The following SGCZ variants were observed in gnomAD, a reference collection of about 807,000 sequenced individuals.
SGCZ encodes the protein zeta-sarcoglycan.
SGCZ carries 40 observed loss-of-function variants against 41.3 expected under a neutral mutation model. The observed-to-expected ratio is 0.97, with a 90% confidence interval of 0.75 to 1.26. The LOEUF (loss-of-function observed/expected upper bound fraction) is 1.26. Ranked by LOEUF, SGCZ falls within the 50% of genes most tolerant of loss-of-function variation. The pLI, the probability that SGCZ is intolerant of heterozygous loss-of-function variation, is 0.00. For synonymous variants in SGCZ, 206 were observed against 137.5 expected, an observed-to-expected ratio of 1.50 and a Z score of -3.49; for missense variants, 552 against 369.8, an observed-to-expected ratio of 1.49 and a Z score of -4.04.
At chr8:15,168,599 C>T (rs1279805386) in intron 1 of SGCZ, among the ~76,000 whole-genome samples, 1 of 152,084 alleles carries the variant, frequency 6.6e-6, no homozygotes, top group South Asian at 2.1e-4. Flanking sequence ...CCATCACTTA[C>T]CCCCGGTATC....
intron 1 of SGCZ, among the ~76,000 whole-genome samples, chr8:14,981,204 G>T (rs1332028591): frequency 6.6e-6 from 1 of 152,150 alleles, no homozygotes; most frequent in Non-Finnish European, 1.5e-5. Flanking sequence ...CAGCCACTCA[G>T]TTCAAATCCC....
intron 3 of SGCZ, among the ~76,000 whole-genome samples, chr8:14,243,710 T>C (rs34953040): frequency 0.33 from 49,861 of 151,968 alleles, 8,586 homozygotes; most frequent in Non-Finnish European, 0.39. Context: ...TTCTTATCCA[T>C]GTCTCTTTAT....
intron 1 of SGCZ, among the ~76,000 whole-genome samples, chr8:14,613,026 C>G (rs952451390): frequency 6.6e-6 from 1 of 152,042 alleles, no homozygotes; most frequent in African/African-American, 2.4e-5. Context: ...GCCTCCTGGT[C>G]TGGGGAAAGA....
At chr8:14,717,531 T>C (rs1191939110) in intron 1 of SGCZ, among the ~76,000 whole-genome samples, 1 of 152,178 alleles carries the variant, frequency 6.6e-6, no homozygotes, top group Non-Finnish European at 1.5e-5. Context: ...AGGAGAGTTC[T>C]GTCCATTCTC....
chr8:14,126,936 C>G (rs1249813026), intron 5 of SGCZ, among the ~76,000 whole-genome samples: 1 of 151,870 alleles, frequency 6.6e-6, no homozygotes, highest in Non-Finnish European at 1.5e-5. Context: ...AATGAGAACA[C>G]ATGGACACAG....
chr8:14,885,984 GTTAT>G (rs1242314768), intron 1 of SGCZ, among the ~76,000 whole-genome samples: 101 of 58,384 alleles, frequency 1.7e-3, no homozygotes, highest in African/African-American at 6.2e-3. Flanking sequence ...AGGACTTTAT[GTTAT>G]ATATATATAT....
intron 2 of SGCZ, among the ~76,000 whole-genome samples, chr8:14,428,713 G>A (rs1007418122): frequency 6.6e-6 from 1 of 152,168 alleles, no homozygotes; most frequent in Non-Finnish European, 1.5e-5. Context: ...TGCATGGATG[G>A]TCATGTTCTT....
chr8:14,467,064 A>T (rs541728980), intron 2 of SGCZ, among the ~76,000 whole-genome samples: 1 of 151,208 alleles, frequency 6.6e-6, no homozygotes, highest in Non-Finnish European at 1.5e-5. Context: ...GTTTTTGCTT[A>T]TTTATTTATT....
chr8:14,970,861 C>A (rs1247368908), intron 1 of SGCZ, among the ~76,000 whole-genome samples: 1 of 152,122 alleles, frequency 6.6e-6, no homozygotes, highest in East Asian at 1.9e-4. Context: ...ATTGGCATTG[C>A]ATTATAAGTA....
intron 4 of SGCZ, among the ~76,000 whole-genome samples, chr8:14,210,148 A>G (rs7008313): frequency 0.76 from 115,057 of 152,072 alleles, 44,641 homozygotes; most frequent in African/African-American, 0.92. Flanking sequence ...ACCTCCGCCT[A>G]CCAGGCTCAA....
intron 1 of SGCZ, among the ~76,000 whole-genome samples, chr8:14,939,341 T>G (rs58685458): frequency 6.6e-6 from 1 of 151,954 alleles, no homozygotes; most frequent in Non-Finnish European, 1.5e-5. Context: ...CTGTTAAGCA[T>G]CTACCTTGCT....
At chr8:15,217,938 T>C (rs1455911755) in intron 1 of SGCZ, among the ~76,000 whole-genome samples, 6 of 151,966 alleles carry the variant, frequency 3.9e-5, no homozygotes. Flanking sequence ...ATACAAAAAT[T>C]TGCCAAACGG....
intron 1 of SGCZ, among the ~76,000 whole-genome samples, chr8:15,215,167 C>T (rs1221531630): frequency 6.6e-6 from 1 of 152,084 alleles, no homozygotes; most frequent in Non-Finnish European, 1.5e-5. Flanking sequence ...CTGAAGTAAA[C>T]TGTGGCATCC....
At chr8:14,095,379 G>A (rs185705279) in intron 7 of SGCZ, among the ~76,000 whole-genome samples, 142 of 152,256 alleles carry the variant, frequency 9.3e-4, no homozygotes, top group African/African-American at 3.0e-3. Flanking sequence ...ATTAAATAGG[G>A]AATCCTTTTC....
At chr8:14,780,630 A>G (rs953034814) in intron 1 of SGCZ, among the ~76,000 whole-genome samples, 4 of 152,136 alleles carry the variant, frequency 2.6e-5, no homozygotes, top group African/African-American at 9.7e-5. Context: ...TCCCAGGATT[A>G]ACCTCTAAGA....
intron 1 of SGCZ, among the ~76,000 whole-genome samples, chr8:14,867,741 C>T (rs1012117516): frequency 2.6e-5 from 4 of 151,890 alleles, no homozygotes; most frequent in African/African-American, 9.7e-5. Context: ...CCGAGGGGAA[C>T]AACACACACT....
At chr8:14,107,080 ATGGCGGGCGCC>A (rs1451069739) in intron 6 of SGCZ, among the ~76,000 whole-genome samples, 1 of 151,894 alleles carries the variant, frequency 6.6e-6, no homozygotes, top group East Asian at 1.9e-4. Context: ...ACCGGGCACA[ATGGCGGGCGCC>A]TGTAGTCCTA....
intron 1 of SGCZ, among the ~76,000 whole-genome samples, chr8:14,720,025 T>G (rs1202988057): frequency 1.3e-5 from 2 of 152,048 alleles, no homozygotes; most frequent in Non-Finnish European, 2.9e-5. Flanking sequence ...TTGAATTAAT[T>G]TTTGTAGAAG....
chr8:14,137,860 C>A (rs565020073), intron 5 of SGCZ, among the ~76,000 whole-genome samples: 1 of 152,060 alleles, frequency 6.6e-6, no homozygotes, highest in Non-Finnish European at 1.5e-5. Context: ...AGAAGAGCAA[C>A]CCCAAGACAC....
Sources: gnomAD v4.1 joint callset for allele counts (sites outside exome capture counted in the v4.1 genomes callset) on GRCh38, gnomAD v4.1.1 for gene constraint, MANE v1.5 for transcripts, NCBI Gene and HGNC (gene_info 2026-07-23, HGNC 2026-07-21) for gene names.